Variants in CDH23 observed in about 807,000 individuals in gnomAD.
CDH23 encodes cadherin related 23.
CDH23 carries 189 observed loss-of-function variants against 317.1 expected under a neutral mutation model. The observed-to-expected ratio is 0.60, with a 90% CI of 0.53 to 0.67. The LOEUF is 0.67. CDH23 is among the 30% of genes least tolerant of loss of function. The probability of loss-of-function intolerance (pLI) is 0.00; values close to 1 mark genes in which losing one functional copy is unlikely to be tolerated. For synonymous variants in CDH23, 1,839 were observed against 1,876.8 expected, an observed-to-expected ratio of 0.98 and a Z score of 0.52; for missense variants, 4,401 against 4,592.4, an observed-to-expected ratio of 0.96 and a Z score of 1.20.
At chr10:71,438,060 G>A (rs570633769) in intron 1 of CDH23, among the ~76,000 whole-genome samples, 35 of 152,224 alleles carry the variant, frequency 2.3e-4, no homozygotes, top group African/African-American at 7.5e-4. Context: ...TTTGTGTTTC[G>A]TCATGCATGG....
At chr10:71,428,665 T>C (rs1849228940) in intron 1 of CDH23, among the ~76,000 whole-genome samples, 2 of 151,980 alleles carry the variant, frequency 1.3e-5, no homozygotes, top group African/African-American at 4.8e-5. Flanking sequence ...CTCAGCTCAC[T>C]GCAACCTCCA....
At chr10:71,402,114 G>T (rs1220253640) in intron 1 of CDH23, among the ~76,000 whole-genome samples, 1 of 152,202 alleles carries the variant, frequency 6.6e-6, no homozygotes, top group Non-Finnish European at 1.5e-5. Context: ...GCCGCCCACA[G>T]CTCCATATAT....
intron 6 of CDH23, among the ~76,000 whole-genome samples, chr10:71,549,359 G>A (rs1354528434): frequency 6.6e-6 from 1 of 152,262 alleles, no homozygotes; most frequent in African/African-American, 2.4e-5. Flanking sequence ...TATAGGAGGG[G>A]AGGGGGCACG....
intron 44 of CDH23, 40 bp from the exon 45 acceptor site, chr10:71,788,888 GGGGCACTTTGCT>G (rs1841169066): frequency 3.3e-6 from 3 of 909,148 alleles, no homozygotes; most frequent in Non-Finnish European, 5.6e-6. Flanking sequence ...CACCTAGGTG[GGGGCACTTTGCT>G]GAGCATGGCC....
intron 22 of CDH23, among the ~76,000 whole-genome samples, chr10:71,696,287 C>A (rs1865387570): frequency 6.6e-6 from 1 of 152,218 alleles, no homozygotes; most frequent in Admixed American, 6.5e-5. Flanking sequence ...AACATCCCCA[C>A]TGCCACCCAC....
At chr10:71,436,505 G>A (rs1849628971) in intron 1 of CDH23, among the ~76,000 whole-genome samples, 1 of 152,228 alleles carries the variant, frequency 6.6e-6, no homozygotes, top group Non-Finnish European at 1.5e-5. Context: ...AGCATGGTGT[G>A]ATGGAAACAT....
intron 6 of CDH23, among the ~76,000 whole-genome samples, chr10:71,540,167 A>G (rs927412860): frequency 1.3e-5 from 2 of 152,140 alleles, no homozygotes; most frequent in Non-Finnish European, 2.9e-5. Flanking sequence ...CCTCCGGGGT[A>G]GGGGGATGGA....
intron 22 of CDH23, 119 bp downstream of exon 22, chr10:71,695,644 G>A (rs192451958): frequency 2.2e-5 from 15 of 686,650 alleles, no homozygotes; most frequent in East Asian, 1.9e-4. Flanking sequence ...GTCCCTCTGA[G>A]CTGGCTCTTG....
chr10:71,574,779 C>CA lies in CDH23; in HGVS notation c.754-3134dup, dbSNP rs35532947. 7.3e-3 allele frequency among the ~76,000 whole-genome samples: 1,118 copies of CA among 152,290 alleles called. 11 individuals are homozygous for CA. Among genetic ancestry groups the CA allele is most frequent in the African/African-American group, 0.025 (1,025 of 41,552 alleles). ...GTCCAGCTTCTCTCAACTGTGTCCC[C>CA]ACTGCCCGGGCCTCAGAGGCTGGGG... is the stretch of plus-strand genomic sequence containing the variant. On this transcript the variant is annotated intron_variant, in intron 8 of 69. Transcript: ENST00000224721.
intron 8 of CDH23, among the ~76,000 whole-genome samples, chr10:71,575,045 AG>A (rs1858088131): frequency 6.6e-6 from 1 of 152,180 alleles, no homozygotes; most frequent in African/African-American, 2.4e-5. Flanking sequence ...GGAAAGAGAG[AG>A]AGGGGGAACC....
Position 71,755,398 on chromosome 10 carries a change from G to A in CDH23, c.4845+13477G>A, listed in dbSNP as rs201859625. The stretch of plus-strand genomic sequence containing the variant: ...GCCTGCCTTTGCTTGTAGACCAGGA[G>A]CAGGATGAGGGGGAGGCAGAGGATT... On this transcript the variant is annotated intron_variant, in intron 38 of 69. Coordinates refer to ENST00000224721, the MANE Select transcript of CDH23 (RefSeq NM_022124.6). 1.5e-4 allele frequency: 244 copies of A among 1,613,402 alleles called. 1 individual carries two copies. Among genetic ancestry groups the A allele is most frequent in the Non-Finnish European group, 1.9e-4 (227 of 1,179,900 alleles).
At chr10:71,571,295 G>T (rs552113189) in intron 8 of CDH23, among the ~76,000 whole-genome samples, 1 of 152,230 alleles carries the variant, frequency 6.6e-6, no homozygotes, top group Non-Finnish European at 1.5e-5. Flanking sequence ...TGTCTCTGCC[G>T]TGTCAGTCTG....
intron 11 of CDH23, among the ~76,000 whole-genome samples, chr10:71,632,978 C>T (rs1862087362): frequency 6.6e-6 from 1 of 152,158 alleles, no homozygotes; most frequent in Non-Finnish European, 1.5e-5. Context: ...GGTGGGGGCT[C>T]TCTGCAGAGT....
intron 12 of CDH23, among the ~76,000 whole-genome samples, 192 bp downstream of exon 12, chr10:71,644,058 A>G (rs1862707155): frequency 6.6e-6 from 1 of 152,260 alleles, no homozygotes; most frequent in Non-Finnish European, 1.5e-5. Flanking sequence ...GTCACACCCC[A>G]CTGGCTTCAG....
intron 3 of CDH23, among the ~76,000 whole-genome samples, chr10:71,506,997 G>C (rs761231326): frequency 6.6e-6 from 1 of 152,206 alleles, no homozygotes; most frequent in Non-Finnish European, 1.5e-5. Context: ...GAGGACCTGA[G>C]CGTCAAGCCT....
At chr10:71,486,284 G>A (rs1216662561) in intron 3 of CDH23, among the ~76,000 whole-genome samples, 2 of 152,178 alleles carry the variant, frequency 1.3e-5, no homozygotes, top group Admixed American at 6.5e-5. Flanking sequence ...AGGTTATTTG[G>A]TGGAGACTCT....
chr10:71,623,287 G>A (rs1176317473), intron 11 of CDH23, among the ~76,000 whole-genome samples: 2 of 152,252 alleles, frequency 1.3e-5, no homozygotes, highest in South Asian at 2.1e-4. Context: ...GCAGAGCTGT[G>A]GAGGCAAAAC....
intron 30 of CDH23, among the ~76,000 whole-genome samples, chr10:71,726,072 T>G (rs1036433668): frequency 6.6e-6 from 1 of 152,204 alleles, no homozygotes; most frequent in Admixed American, 6.5e-5. Flanking sequence ...CAAATCAGCC[T>G]TAGTCCTCCC....
At chr10:71,789,771 C>A (rs1841193235) in intron 45 of CDH23, among the ~76,000 whole-genome samples, 1 of 152,240 alleles carries the variant, frequency 6.6e-6, no homozygotes. Flanking sequence ...ACATGCCCAC[C>A]TGCAGAGGCA....
Sources: gnomAD v4.1 joint callset for allele counts (sites outside exome capture counted in the v4.1 genomes callset) on GRCh38, gnomAD v4.1.1 for gene constraint, MANE v1.5 for transcripts, NCBI Gene and HGNC (gene_info 2026-07-23, HGNC 2026-07-21) for gene names.